The following ECPAS variants were observed in gnomAD, a reference collection of about 807,000 sequenced individuals.
ECPAS encodes the protein Ecm29 proteasome adaptor and scaffold.
ECPAS carries 70 observed loss-of-function variants against 255.1 expected under a neutral mutation model. The observed-to-expected ratio is 0.27, with a 90% CI of 0.23 to 0.33. The LOEUF (loss-of-function observed/expected upper bound fraction) is 0.33, where lower values mean the gene tolerates loss of function less well. ECPAS is among the 10% of genes least tolerant of loss of function. ECPAS has a pLI of 1.00. For synonymous variants in ECPAS, 784 were observed against 775.0 expected, an observed-to-expected ratio of 1.01 and a Z score of -0.19; for missense variants, 1,817 against 2,206.4, an observed-to-expected ratio of 0.82 and a Z score of 3.54.
At chr9:111,433,393 G>C (rs768220874) in intron 7 of ECPAS, 21 bp from the exon 8 acceptor site, 4 of 1,613,632 alleles carry the variant, frequency 2.5e-6, no homozygotes, top group Middle Eastern at 1.7e-4. Flanking sequence ...ATGAAGGGAA[G>C]GAGAAAGAAC....
chr9:111,380,343 TTTTG>T (rs755212165), intron 35 of ECPAS, among the ~76,000 whole-genome samples: 78 of 152,310 alleles, frequency 5.1e-4, no homozygotes, highest in African/African-American at 7.9e-4. Context: ...GTTGTTATTT[TTTTG>T]TTTGTTTGTT....
chr9:111,483,097 A>G lies in ECPAS; in HGVS notation c.-83+1019T>C, dbSNP rs930126400. ...CCCCCTTCCCGAAAGCTCCATTTCTATAACTCAACCAGCCGTCGGGGACCC... is the reference window on the plus strand; with the variant it reads ...CCCCCTTCCCGAAAGCTCCATTTCTGTAACTCAACCAGCCGTCGGGGACCC... On this transcript the variant is annotated intron_variant, in intron 1 of 49. Coordinates refer to ENST00000684092, the MANE Select transcript of ECPAS (RefSeq NM_001364929.1). Among the ~76,000 whole-genome samples, 5 of 152,248 alleles carry G rather than the reference A, an allele frequency of 3.3e-5. No individual in the cohort carries two copies. The East Asian group carries it at 7.8e-4, about 24-fold the overall frequency.
At chr9:111,407,407 A>G (rs1316115560) in intron 24 of ECPAS, among the ~76,000 whole-genome samples, 2 of 101,984 alleles carry the variant, frequency 2.0e-5, no homozygotes, top group Non-Finnish European at 3.8e-5. Flanking sequence ...ATCTCAGAAA[A>G]AAAAAAAAAA....
chr9:111,430,696 T>C lies in ECPAS; in HGVS notation c.849-68A>G, dbSNP rs1378920777. On this transcript the variant is annotated intron_variant, in intron 8 of 49. Coordinates refer to ENST00000684092, the MANE Select transcript of ECPAS (RefSeq NM_001364929.1). The stretch of plus-strand genomic sequence containing the variant: ...CCTCCTTCAGTGATTTCAAAAAAAT[T>C]ATAGCCCCAACATTTCTTAACAAAA... The C allele has an allele frequency of 3.2e-6, 3 of 939,512 alleles. No homozygotes were observed. In the African/African-American group the frequency reaches 5.0e-5, roughly 16 times the overall value. 58.2% of individuals were successfully genotyped at this position (939,512 alleles called of 1,614,324 possible). A position where few individuals can be genotyped will look rare whatever the true frequency, so the allele number is the denominator to read the frequency against.
intron 23 of ECPAS, 106 bp from the exon 24 acceptor site, chr9:111,408,778 C>T (rs527879542): frequency 1.5e-4 from 84 of 567,302 alleles, no homozygotes; most frequent in African/African-American, 1.1e-3. Context: ...CTATCTAACA[C>T]ATCAACGCAA....
At chr9:111,484,086 T>TC in intron 1 of ECPAS, 30 bp downstream of exon 1, 1 of 1,261,566 alleles carries the variant, frequency 7.9e-7, no homozygotes, top group Non-Finnish European at 1.0e-6. Flanking sequence ...GCAGGGCCAG[T>TC]CCCCCGCGGC....
Position 111,378,656 on chromosome 9 carries a change from G to A in ECPAS, c.3878C>T (p.Ala1293Val), listed in dbSNP as rs1249469372. 1.2e-6 allele frequency: 2 copies of A among 1,613,750 alleles called. No individual in the cohort carries two copies. The highest frequency in any genetic ancestry group is 2.7e-5 in the African/African-American group (2 of 74,942). ...CAATACACTTAAGGACTCTAGCAGA[G>A]CTGGAATGAGTTTTGGTGCATGCGG... ...LKPHAPKLIP[A>V]LLESLSVLEP... The change falls in exon 36 of 50, where the codon GCT becomes GTT. Residue 1293 changes from alanine (A) to valine (V), a missense_variant. Ala to Val is a moderately conservative substitution (Grantham distance 64). Coordinates refer to ENST00000684092, the MANE Select transcript of ECPAS (RefSeq NM_001364929.1).
chr9:111,368,205 C>T (rs1364276148), intron 46 of ECPAS, among the ~76,000 whole-genome samples: 3 of 152,164 alleles, frequency 2.0e-5, no homozygotes, highest in Non-Finnish European at 2.9e-5. Flanking sequence ...TCAGGGGACT[C>T]CAAACTAACT....
chr9:111,484,076 G>T, intron 1 of ECPAS, 40 bp downstream of exon 1: 1 of 1,177,984 alleles, frequency 8.5e-7, no homozygotes, highest in Non-Finnish European at 1.0e-6. Flanking sequence ...CGCCGCGCGC[G>T]CAGGGCCAGT....
At chr9:111,463,802 G>A (rs2098276016) in intron 2 of ECPAS, among the ~76,000 whole-genome samples, 1 of 152,128 alleles carries the variant, frequency 6.6e-6, no homozygotes, top group Admixed American at 6.5e-5. Flanking sequence ...GCAAAGATGG[G>A]AAACAAACCA....
chr9:111,430,076 T>A (rs1475365541), intron 9 of ECPAS, among the ~76,000 whole-genome samples: 1 of 152,254 alleles, frequency 6.6e-6, no homozygotes, highest in East Asian at 1.9e-4. Flanking sequence ...GTCTATGAGT[T>A]AAGCATCATT....
Position 111,366,547 on chromosome 9 carries a change from G to C in ECPAS, c.5194C>G (p.Gln1732Glu). The C allele has an allele frequency of 1.9e-6, 3 of 1,612,898 alleles. No individual in the cohort carries two copies. Among genetic ancestry groups the C allele is most frequent in the Non-Finnish European group, 2.5e-6 (3 of 1,179,122 alleles). The change falls in exon 47 of 50, where the codon CAA becomes GAA. Residue 1732 changes from glutamine (Q) to glutamate (E), a missense_variant. Physicochemically the swap from Gln to Glu is conservative, Grantham distance 29. This residue lies in a region of ECPAS where 960 missense variants were observed against 1,179.0 expected (regional missense o/e 0.81). Coordinates refer to ENST00000684092, the MANE Select transcript of ECPAS (RefSeq NM_001364929.1). The part of the protein sequence containing the change: ...STWKVQLGVL[Q>E]SMNAFFQGLM... ...CCCTGAAAAAAGGCATTCATTGATT[G>C]CAGGACTCCTAGCTGCACTTTCCAC...
intron 36 of ECPAS, among the ~76,000 whole-genome samples, chr9:111,376,949 T>A (rs555382092): frequency 2.2e-4 from 33 of 152,254 alleles, no homozygotes; most frequent in Non-Finnish European, 1.0e-4. Context: ...TTCGTATCTA[T>A]GAAGGTATTT....
At position 111,483,597 on chromosome 9, in the gene ECPAS, G is replaced by A. The variant is rs1017028341; in HGVS notation, c.-83+519C>T. 4 of 479,692 alleles carry A rather than the reference G, an allele frequency of 8.3e-6. No individual in the cohort carries two copies. The African/African-American group carries it at 8.6e-5, about 10-fold the overall frequency. 29.7% of individuals were successfully genotyped at this position (479,692 alleles called of 1,614,324 possible). ...GCTGGGGGGGCAGGGCGCGGCCGGG[G>A]GGCTCGCGGCTCGCGGTGCGGCAGG... is the stretch of plus-strand genomic sequence containing the variant. On this transcript the variant is annotated intron_variant, in intron 1 of 49. Transcript: ENST00000684092.
intron 2 of ECPAS, among the ~76,000 whole-genome samples, chr9:111,453,378 A>C (rs1266709824): frequency 1.3e-5 from 2 of 152,252 alleles, no homozygotes; most frequent in East Asian, 3.8e-4. Context: ...CCAAAATGTC[A>C]ATCTACATGA....
In ECPAS at chr9:111,425,834, T is replaced by C; in HGVS notation, c.1051-6A>G. On this transcript the variant is annotated splice_region_variant and splice_polypyrimidine_tract_variant and intron_variant, in intron 10 of 49. Coordinates refer to ENST00000684092, the MANE Select transcript of ECPAS (RefSeq NM_001364929.1). ...AAAAGTCCATCATACACCACCTATG[T>C]AAAATGAAGAGTTGAGAACATCAAT... 1 of 1,406,426 alleles carries C rather than the reference T, an allele frequency of 7.1e-7. No homozygotes were observed. The highest frequency in any genetic ancestry group is 1.8e-5 in the Admixed American group (1 of 55,984). The allele number at this position is 1,406,426 out of a possible 1,614,324, so 87.1% of individuals were successfully genotyped here. A position where few individuals can be genotyped will look rare whatever the true frequency, so the allele number is the denominator to read the frequency against.
chr9:111,418,544 T>C (rs2098208095), intron 16 of ECPAS, among the ~76,000 whole-genome samples: 2 of 152,134 alleles, frequency 1.3e-5, no homozygotes. Flanking sequence ...TTTTAATTCT[T>C]CAATTGCCTC....
chr9:111,372,853 G>A (rs555019839), intron 41 of ECPAS, among the ~76,000 whole-genome samples: 30 of 152,154 alleles, frequency 2.0e-4, no homozygotes, highest in Admixed American at 9.2e-4. Flanking sequence ...GCAACATGGC[G>A]AAACCCCACC....
intron 2 of ECPAS, among the ~76,000 whole-genome samples, chr9:111,472,350 AC>A (rs1441446174): frequency 7.2e-5 from 11 of 152,038 alleles, no homozygotes; most frequent in Non-Finnish European, 1.2e-4. Context: ...TTGTTTGTAA[AC>A]GATCACCCAT....
Sources: gnomAD v4.1 joint callset for allele counts (sites outside exome capture counted in the v4.1 genomes callset) on GRCh38, gnomAD v4.1.1 for gene constraint, gnomAD v4.1.1 regional missense constraint, MANE v1.5 for transcripts, NCBI Gene and HGNC (gene_info 2026-07-23, HGNC 2026-07-21) for gene names.